Variants in SORCS3 observed in about 807,000 individuals in gnomAD.
SORCS3 encodes the protein sortilin related VPS10 domain containing receptor 3, also known as VPS10 domain-containing receptor SorCS3.
In SORCS3, 57 loss-of-function variants were observed where a neutral mutation model predicts 146.3. The ratio of observed to expected loss-of-function variants is 0.39; its 90% CI spans 0.31 to 0.49. The LOEUF (loss-of-function observed/expected upper bound fraction) is 0.49, where lower values mean the gene tolerates loss of function less well. Among genes scored for constraint, SORCS3 ranks in the 20% least tolerant of loss-of-function variants. The probability of loss-of-function intolerance (pLI) is 0.92; values close to 1 mark genes in which losing one functional copy is unlikely to be tolerated. For synonymous variants in SORCS3, 653 were observed against 618.5 expected, an observed-to-expected ratio of 1.06 and a Z score of -0.83; for missense variants, 1,341 against 1,575.5, an observed-to-expected ratio of 0.85 and a Z score of 2.52.
rs67886313 is a variant in SORCS3 at position 105,163,883 on chromosome 10, T to TACACACACAC, written c.1733-391_1733-382dup. Among the ~76,000 whole-genome samples the TACACACACAC allele has an allele frequency of 7.1e-3, 989 of 138,686 alleles. 12 individuals are homozygous for TACACACACAC. Among genetic ancestry groups the TACACACACAC allele is most frequent in the Admixed American group, 0.032 (450 of 14,050 alleles). 91.0% of individuals were successfully genotyped at this position (138,686 alleles called of 152,430 possible). A position where few individuals can be genotyped will look rare whatever the true frequency, so the allele number is the denominator to read the frequency against. On this transcript the variant is annotated intron_variant, in intron 11 of 26. Transcript: ENST00000369701. ...ACACACAGACACACAGTTACGCACA[T>TACACACACAC]ACACACACACACACACACACACACA...
intron 14 of SORCS3, among the ~76,000 whole-genome samples, chr10:105,183,048 A>G (rs1442738531): frequency 6.6e-6 from 1 of 152,148 alleles, no homozygotes; most frequent in Non-Finnish European, 1.5e-5. Context: ...CAAAGATGTG[A>G]TTGAAGACAG....
At chr10:104,848,083 T>C (rs1248893954) in intron 2 of SORCS3, among the ~76,000 whole-genome samples, 1 of 152,160 alleles carries the variant, frequency 6.6e-6, no homozygotes, top group Non-Finnish European at 1.5e-5. Context: ...TTCTGGATCA[T>C]TGACAATGCT....
intron 6 of SORCS3, among the ~76,000 whole-genome samples, chr10:105,093,373 A>T: frequency 6.6e-6 from 1 of 152,206 alleles, no homozygotes; most frequent in South Asian, 2.1e-4. Flanking sequence ...AGAGTTTTTT[A>T]AAATTACACT....
chr10:104,879,762 C>T (rs778650388), intron 2 of SORCS3, among the ~76,000 whole-genome samples: 9 of 152,204 alleles, frequency 5.9e-5, no homozygotes, highest in Admixed American at 1.3e-4. Context: ...AGGTGCTGCC[C>T]TGAGCCAGGG....
chr10:104,944,337 T>G (rs1202162844), intron 3 of SORCS3, among the ~76,000 whole-genome samples: 7 of 152,104 alleles, frequency 4.6e-5, no homozygotes, highest in African/African-American at 7.2e-5. Flanking sequence ...TCTAAAAAAT[T>G]TTGACTATAG....
At chr10:105,119,956 T>A (rs2055920079) in intron 7 of SORCS3, among the ~76,000 whole-genome samples, 1 of 152,120 alleles carries the variant, frequency 6.6e-6, no homozygotes, top group African/African-American at 2.4e-5. Flanking sequence ...CATTATTGTG[T>A]TTTGAAATGT....
rs1365559779 is a variant in SORCS3 at position 104,641,429 on chromosome 10, G to C, written c.102G>C (p.Glu34Asp). The C allele has an allele frequency of 1.9e-5, 28 of 1,470,180 alleles. No individual in the cohort carries two copies. Among genetic ancestry groups the C allele is most frequent in the Non-Finnish European group, 2.5e-5 (28 of 1,117,862 alleles). 91.1% of individuals were successfully genotyped at this position (1,470,180 alleles called of 1,614,324 possible). ...CGACGTGGGTCCTGGCCGGCGCCGA[G>C]ATCACTTGGGACGCGACAGGCGGTC... ...LLSTWVLAGA[E>D]ITWDATGGPG... is the part of the protein sequence containing the mutation. The change falls in exon 1 of 27, where the codon GAG (glutamate) becomes GAC (aspartate). Residue 34 changes from glutamate (E) to aspartate (D), a missense_variant. Transcript: ENST00000369701. This position sits in a 1 kb window ranked among gnomAD's most constrained non-coding sequence, Gnocchi z 6.4.
intron 4 of SORCS3, among the ~76,000 whole-genome samples, chr10:105,028,757 AT>A (rs1402433331): frequency 3.3e-5 from 5 of 152,170 alleles, no homozygotes; most frequent in Non-Finnish European, 5.9e-5. Context: ...CATAATAAGT[AT>A]TTCTTAGACA....
At chr10:105,147,467 A>T in intron 8 of SORCS3, 150 bp from the exon 9 acceptor site, 1 of 570,088 alleles carries the variant, frequency 1.8e-6, no homozygotes, top group Non-Finnish European at 2.8e-6. Context: ...CTTATAATTT[A>T]TAGCCTTGGT....
chr10:104,855,155 G>GC (rs2133555996), intron 2 of SORCS3, among the ~76,000 whole-genome samples: 1 of 152,296 alleles, frequency 6.6e-6, no homozygotes, highest in South Asian at 2.1e-4. Flanking sequence ...ATATGGGACT[G>GC]TTTTTTGCTG....
At chr10:104,733,017 C>T (rs1049071085) in intron 1 of SORCS3, among the ~76,000 whole-genome samples, 1 of 152,158 alleles carries the variant, frequency 6.6e-6, no homozygotes, top group Non-Finnish European at 1.5e-5. Flanking sequence ...AATCAGCTTA[C>T]AGTACATAAG....
intron 20 of SORCS3, among the ~76,000 whole-genome samples, chr10:105,235,974 T>C (rs188438231): frequency 6.6e-6 from 1 of 152,246 alleles, no homozygotes; most frequent in African/African-American, 2.4e-5. Flanking sequence ...AAATGGGTGC[T>C]TTTCATGATG....
chr10:104,829,388 A>C (rs1023471748), intron 1 of SORCS3, among the ~76,000 whole-genome samples: 8 of 152,198 alleles, frequency 5.3e-5, no homozygotes, highest in African/African-American at 1.9e-4. Flanking sequence ...ATCTGGAAGC[A>C]TGAGAAGGAA....
At chr10:104,945,530 A>T (rs1014152525) in intron 3 of SORCS3, among the ~76,000 whole-genome samples, 42 of 149,694 alleles carry the variant, frequency 2.8e-4, no homozygotes, top group African/African-American at 1.0e-3. Flanking sequence ...AAGTGCTGGA[A>T]TTACAGATGT....
chr10:105,257,386 T>A (rs1473699011), intron 25 of SORCS3, among the ~76,000 whole-genome samples: 1 of 152,206 alleles, frequency 6.6e-6, no homozygotes, highest in Non-Finnish European at 1.5e-5. Context: ...TCTCTTTAAA[T>A]TTGCATGCTA....
chr10:104,684,807 T>G (rs2016025057), intron 1 of SORCS3, among the ~76,000 whole-genome samples: 2 of 56,788 alleles, frequency 3.5e-5, no homozygotes, highest in Non-Finnish European at 6.9e-5. Context: ...TTTTTTTTTT[T>G]TTTTTTTTTT....
chr10:105,011,474 C>T (rs1324838411), intron 4 of SORCS3, among the ~76,000 whole-genome samples: 1 of 152,040 alleles, frequency 6.6e-6, no homozygotes, highest in African/African-American at 2.4e-5. Context: ...TCTCAGATTC[C>T]TCCATGTTGG....
chr10:105,057,535 A>G (rs1324890559), intron 5 of SORCS3, among the ~76,000 whole-genome samples: 4 of 152,134 alleles, frequency 2.6e-5, no homozygotes, highest in Non-Finnish European at 5.9e-5. Flanking sequence ...CTGGTGACCC[A>G]TTGCTCTATC....
chr10:104,838,309 A>C (rs151011666), intron 1 of SORCS3, among the ~76,000 whole-genome samples: 87 of 152,076 alleles, frequency 5.7e-4, no homozygotes, highest in African/African-American at 1.9e-3. Flanking sequence ...CTTGCCTAAC[A>C]GCCCCGAGCT....
Sources: allele counts gnomAD v4.1 joint callset (sites outside exome capture counted in the v4.1 genomes callset), GRCh38; gene constraint gnomAD v4.1.1; non-coding constraint Gnocchi (gnomAD v3.1); transcripts MANE v1.5; gene names NCBI Gene and HGNC (gene_info 2026-07-23, HGNC 2026-07-21).